The following ERP44 variants were observed in gnomAD, a reference collection of about 807,000 sequenced individuals.
ERP44 encodes the protein endoplasmic reticulum resident protein 44.
Under a neutral mutation model 53.4 loss-of-function variants are expected in ERP44, and 25 were observed. The ratio of observed to expected loss-of-function variants is 0.47; its 90% CI spans 0.34 to 0.65. ERP44 has a LOEUF of 0.65. Among genes scored for constraint, ERP44 ranks in the 30% least tolerant of loss-of-function variants. The pLI is 0.01. For synonymous variants in ERP44, 145 were observed against 161.2 expected, an observed-to-expected ratio of 0.90 and a Z score of 0.76; for missense variants, 338 against 493.2, an observed-to-expected ratio of 0.69 and a Z score of 2.98.
intron 3 of ERP44, among the ~76,000 whole-genome samples, chr9:100,054,138 T>C (rs1200006226): frequency 2.0e-5 from 3 of 152,198 alleles, no homozygotes; most frequent in Non-Finnish European, 4.4e-5. Flanking sequence ...CATTCTTAAA[T>C]CTCTCCCATC....
intron 1 of ERP44, among the ~76,000 whole-genome samples, chr9:100,082,003 C>T (rs1826432386): frequency 6.6e-6 from 1 of 151,766 alleles, no homozygotes; most frequent in Non-Finnish European, 1.5e-5. Flanking sequence ...AACATACACA[C>T]ACACAAAACA....
At chr9:100,023,656 AG>A (rs1323149999) in intron 4 of ERP44, among the ~76,000 whole-genome samples, 1 of 151,964 alleles carries the variant, frequency 6.6e-6, no homozygotes, top group South Asian at 2.1e-4. Flanking sequence ...TATGTTGCCC[AG>A]GTCAGTCTTG....
intron 2 of ERP44, among the ~76,000 whole-genome samples, chr9:100,059,868 C>T (rs1826124299): frequency 6.6e-6 from 1 of 152,062 alleles, no homozygotes; most frequent in African/African-American, 2.4e-5. Flanking sequence ...GTAGGCTTAT[C>T]AAAACATTTC....
intron 4 of ERP44, among the ~76,000 whole-genome samples, chr9:100,047,531 C>T (rs988046062): frequency 6.6e-6 from 1 of 152,078 alleles, no homozygotes; most frequent in Non-Finnish European, 1.5e-5. Flanking sequence ...TAAAGTTGGG[C>T]CCTTACCTTG....
intron 10 of ERP44, among the ~76,000 whole-genome samples, chr9:99,991,578 T>G (rs6478991): frequency 0.67 from 101,693 of 152,040 alleles, 35,067 homozygotes; most frequent in East Asian, 0.91. Flanking sequence ...ATCTAAAATT[T>G]ATACCCTACC....
At chr9:99,991,871 A>G (rs1830260370) in intron 10 of ERP44, among the ~76,000 whole-genome samples, 3 of 152,266 alleles carry the variant, frequency 2.0e-5, no homozygotes, top group Admixed American at 1.3e-4. Flanking sequence ...AACTAGCATC[A>G]GAGAATACTA....
chr9:100,018,024 G>A (rs1413040051), intron 7 of ERP44, among the ~76,000 whole-genome samples: 1 of 152,168 alleles, frequency 6.6e-6, no homozygotes, highest in Non-Finnish European at 1.5e-5. Context: ...CTACTCTAAT[G>A]CCAGCTCTGC....
chr9:99,998,571 G>A, intron 10 of ERP44: 2 of 733,394 alleles, frequency 2.7e-6, no homozygotes, highest in South Asian at 2.9e-5. Context: ...GGCTCGTGGT[G>A]AGCTCTGTGC....
intron 10 of ERP44, among the ~76,000 whole-genome samples, chr9:99,986,053 T>G (rs1302355754): frequency 6.6e-6 from 1 of 152,234 alleles, no homozygotes; most frequent in Non-Finnish European, 1.5e-5. Context: ...AACAATGCAC[T>G]GTAGCAGACA....
chr9:99,991,894 T>C (rs879132795), intron 10 of ERP44, among the ~76,000 whole-genome samples: 2 of 152,078 alleles, frequency 1.3e-5, no homozygotes, highest in African/African-American at 2.4e-5. Context: ...AACACCTCTA[T>C]GCAAATAAAC....
rs538931082 is a variant in ERP44, at chr9:100,087,247, T to C, written c.57+11537A>G. On this transcript the variant is annotated intron_variant, in intron 1 of 11. Transcript: ENST00000262455. ...TATAACACTAATTAAAATACAGTTA[T>C]AAAACAGAGCTAAGCTGATAACTTA... Among the ~76,000 whole-genome samples, 303 of 152,240 alleles carry C rather than the reference T, an allele frequency of 2.0e-3. 1 individual carries two copies. Among genetic ancestry groups the C allele is most frequent in the African/African-American group, 6.9e-3 (286 of 41,504 alleles).
At chr9:100,063,301 A>C (rs1402714258) in intron 1 of ERP44, among the ~76,000 whole-genome samples, 1 of 152,128 alleles carries the variant, frequency 6.6e-6, no homozygotes, top group Non-Finnish European at 1.5e-5. Flanking sequence ...GCCCAAAGCA[A>C]GAAAACTCTC....
At chr9:99,999,161 C>G (rs1026959599) in intron 10 of ERP44, 2 of 548,432 alleles carry the variant, frequency 3.6e-6, no homozygotes, top group South Asian at 2.1e-5. Context: ...AGGGCTCCGC[C>G]CCCCGACCCT....
At chr9:100,096,823 C>A (rs1826637758) in intron 1 of ERP44, among the ~76,000 whole-genome samples, 1 of 152,016 alleles carries the variant, frequency 6.6e-6, no homozygotes, top group South Asian at 2.1e-4. Context: ...CACGGGGGAA[C>A]AAAGAGGACA....
At chr9:100,023,080 T>C (rs745349151) in intron 4 of ERP44, among the ~76,000 whole-genome samples, 15 of 152,320 alleles carry the variant, frequency 9.8e-5, no homozygotes, top group South Asian at 2.1e-4. Context: ...ATAATTAACA[T>C]AGACAATAAT....
At chr9:99,987,684 T>C (rs1481725862) in intron 10 of ERP44, among the ~76,000 whole-genome samples, 1 of 152,224 alleles carries the variant, frequency 6.6e-6, no homozygotes, top group Non-Finnish European at 1.5e-5. Context: ...AGTCAGACTC[T>C]TCCATTTCCC....
chr9:100,093,473 A>C (rs749858680), intron 1 of ERP44, among the ~76,000 whole-genome samples: 5 of 152,166 alleles, frequency 3.3e-5, no homozygotes, highest in Non-Finnish European at 7.4e-5. Flanking sequence ...GCAAAAGCCT[A>C]TCTCTACTAA....
At chr9:100,077,976 GA>G (rs994107119) in intron 1 of ERP44, among the ~76,000 whole-genome samples, 1 of 151,878 alleles carries the variant, frequency 6.6e-6, no homozygotes, top group Non-Finnish European at 1.5e-5. Flanking sequence ...CAACCACCAG[GA>G]AAAAAAACCA....
intron 8 of ERP44, among the ~76,000 whole-genome samples, chr9:100,008,537 A>C (rs1830441509): frequency 6.6e-6 from 1 of 152,182 alleles, no homozygotes; most frequent in Non-Finnish European, 1.5e-5. Context: ...TTCATCAACT[A>C]TCCTTTTGAG....
Sources: allele counts gnomAD v4.1 joint callset (sites outside exome capture counted in the v4.1 genomes callset), GRCh38; gene constraint gnomAD v4.1.1; transcripts MANE v1.5; gene names NCBI Gene and HGNC (gene_info 2026-07-23, HGNC 2026-07-21).